Variants in MKLN1 observed in about 807,000 individuals in gnomAD.
MKLN1 encodes muskelin.
MKLN1 carries 18 observed loss-of-function variants against 99.0 expected under a neutral mutation model. The observed-to-expected ratio is 0.18, with a 90% CI of 0.13 to 0.27. MKLN1 has a LOEUF of 0.27. MKLN1 is among the 10% of genes least tolerant of loss of function. MKLN1 has a pLI of 1.00. For synonymous variants in MKLN1, 288 were observed against 293.2 expected (o/e 0.98, Z 0.18); for missense variants, 621 against 875.9 (o/e 0.71, Z 3.67).
At chr7:131,298,272 GAA>G (rs35184610) in intron 3 of MKLN1, among the ~76,000 whole-genome samples, 1 of 143,260 alleles carries the variant, frequency 7.0e-6, no homozygotes, top group Non-Finnish European at 1.5e-5. Flanking sequence ...CTCGGTCTCA[GAA>G]AAAAAAAAAA....
At chr7:131,127,264 A>G (rs535730649) in intron 1 of MKLN1, among the ~76,000 whole-genome samples, 14 of 152,280 alleles carry the variant, frequency 9.2e-5, no homozygotes, top group South Asian at 2.1e-4. Context: ...TGAAGGGTCT[A>G]CTTGGGATCT....
chr7:131,169,486 T>C (rs1362705817), intron 2 of MKLN1, among the ~76,000 whole-genome samples: 1 of 152,330 alleles, frequency 6.6e-6, no homozygotes, highest in East Asian at 1.9e-4. Context: ...ATCTGCAGTA[T>C]TCTAAGTATT....
chr7:131,175,185 C>CAGAT (rs72403035), intron 2 of MKLN1, among the ~76,000 whole-genome samples: 8,180 of 140,754 alleles, frequency 0.058, 292 homozygotes, highest in African/African-American at 0.093. Context: ...GATAGATAGA[C>CAGAT]AGATAGATAG....
At chr7:131,288,745 GC>G (rs1225937467) in intron 3 of MKLN1, among the ~76,000 whole-genome samples, 6 of 152,122 alleles carry the variant, frequency 3.9e-5, no homozygotes, top group African/African-American at 1.4e-4. Context: ...ACTCTCCACT[GC>G]CCTTGCTGTT....
At chr7:131,373,958 A>G (rs1289878078) in intron 1 of MKLN1, among the ~76,000 whole-genome samples, 1 of 152,058 alleles carries the variant, frequency 6.6e-6, no homozygotes, top group Non-Finnish European at 1.5e-5. Context: ...TTGGAGGAGT[A>G]CTATTCATTT....
At chr7:131,330,321 A>G (rs1286111116) in intron 1 of MKLN1, among the ~76,000 whole-genome samples, 2 of 152,224 alleles carry the variant, frequency 1.3e-5, no homozygotes, top group African/African-American at 4.8e-5. Flanking sequence ...AAAGTGGCAA[A>G]TATTTGTTGG....
chr7:131,297,246 C>T (rs752004866), intron 3 of MKLN1, among the ~76,000 whole-genome samples: 2 of 151,742 alleles, frequency 1.3e-5, no homozygotes, highest in East Asian at 1.9e-4. Flanking sequence ...CTGTAGTTCC[C>T]GCTACTTGGG....
At chr7:131,382,245 A>ATC (rs1034313377) in intron 2 of MKLN1, among the ~76,000 whole-genome samples, 1 of 152,094 alleles carries the variant, frequency 6.6e-6, no homozygotes, top group African/African-American at 2.4e-5. Flanking sequence ...CATGCCTGTA[A>ATC]TCTCAGCTAT....
At chr7:131,194,512 A>G (rs776993094) in intron 2 of MKLN1, among the ~76,000 whole-genome samples, 1 of 152,206 alleles carries the variant, frequency 6.6e-6, no homozygotes, top group Non-Finnish European at 1.5e-5. Flanking sequence ...TAGACAAGAA[A>G]ACTAGAATTT....
At chr7:131,259,381 C>T (rs1190183990) in intron 3 of MKLN1, among the ~76,000 whole-genome samples, 2 of 152,116 alleles carry the variant, frequency 1.3e-5, no homozygotes, top group African/African-American at 4.8e-5. Flanking sequence ...TATCTGTCTC[C>T]TAGATCAAAC....
Position 131,202,146 on chromosome 7 carries a change from C to CTTTTTTTTTTTTTTTT in MKLN1, c.-296-694_-296-679dup, listed in dbSNP as rs58800874. ...GGTTTCTCCACTTTGGCACTATTGA[C>CTTTTTTTTTTTTTTTT]TTTTTTTTTTTTTTTTTTTTTTTTT... On this transcript the variant is annotated intron_variant, in intron 2 of 7. Transcript: ENST00000416992. 1.0e-4 allele frequency among the ~76,000 whole-genome samples: 6 copies of CTTTTTTTTTTTTTTTT among 60,272 alleles called. 1 individual carries two copies. Among genetic ancestry groups the CTTTTTTTTTTTTTTTT allele is most frequent in the Admixed American group, 2.2e-4 (1 of 4,610 alleles). The allele number at this position is 60,272 out of a possible 152,430, so 39.5% of individuals were successfully genotyped here. A position where few individuals can be genotyped will look rare whatever the true frequency, so the allele number is the denominator to read the frequency against.
intron 14 of MKLN1, among the ~76,000 whole-genome samples, chr7:131,465,829 G>A (rs1362974569): frequency 2.6e-5 from 4 of 152,084 alleles, no homozygotes; most frequent in African/African-American, 7.2e-5. Context: ...GTGAGCCACC[G>A]CGCCTGGCCT....
intron 2 of MKLN1, among the ~76,000 whole-genome samples, chr7:131,152,718 T>G (rs954001499): frequency 6.6e-6 from 1 of 151,926 alleles, no homozygotes; most frequent in African/African-American, 2.4e-5. Context: ...CAGGGTGCTC[T>G]CGAACTCCTG....
intron 2 of MKLN1, among the ~76,000 whole-genome samples, chr7:131,384,018 A>G (rs1211763323): frequency 2.6e-5 from 4 of 152,202 alleles, no homozygotes; most frequent in Non-Finnish European, 5.9e-5. Flanking sequence ...TTATAATTCA[A>G]ACTTCATGTA....
At position 131,437,888 on chromosome 7, in the gene MKLN1, A is replaced by G. The variant is rs775127745; in HGVS notation, c.1064A>G (p.Lys355Arg). ...TTGGATTCCTCTGTGAGGAACAGCA[A>G]ATCTCTGAAAAGTGACTTCTATCGT... ...RYLDSSVRNS[K>R]SLKSDFYRYD... The change falls in exon 10 of 18, where the codon AAA becomes AGA. Residue 355 changes from lysine (K) to arginine (R), a missense_variant. Transcript: ENST00000352689. 2.5e-6 allele frequency: 4 copies of G among 1,613,888 alleles called. 1 individual carries two copies. The South Asian group carries it at 3.3e-5, about 13-fold the overall frequency.
At chr7:131,349,164 G>A (rs1170242781) in intron 1 of MKLN1, among the ~76,000 whole-genome samples, 1 of 151,550 alleles carries the variant, frequency 6.6e-6, no homozygotes, top group Non-Finnish European at 1.5e-5. Flanking sequence ...TGAAGCCTTT[G>A]AGAGTGCTTA....
At chr7:131,152,892 C>T (rs998232775) in intron 2 of MKLN1, among the ~76,000 whole-genome samples, 1 of 151,774 alleles carries the variant, frequency 6.6e-6, no homozygotes, top group African/African-American at 2.4e-5. Flanking sequence ...TCATTTTTTT[C>T]CTCATAACTT....
intron 12 of MKLN1, among the ~76,000 whole-genome samples, chr7:131,461,141 A>T (rs914334694): frequency 6.6e-6 from 1 of 152,182 alleles, no homozygotes; most frequent in African/African-American, 2.4e-5. Context: ...TTTCTAGGTT[A>T]CTTATAATAC....
chr7:131,263,813 A>C (rs1797769585), intron 3 of MKLN1, among the ~76,000 whole-genome samples: 1 of 151,832 alleles, frequency 6.6e-6, no homozygotes. Flanking sequence ...CACGTGATCC[A>C]CCTGCCTTGG....
Sources: allele counts gnomAD v4.1 joint callset (sites outside exome capture counted in the v4.1 genomes callset), GRCh38; gene constraint gnomAD v4.1.1; transcripts MANE v1.5; gene names NCBI Gene and HGNC (gene_info 2026-07-23, HGNC 2026-07-21).